The following NLGN1 variants were observed in gnomAD, a reference collection of about 807,000 sequenced individuals.
NLGN1 encodes neuroligin-1.
Under a neutral mutation model 65.5 loss-of-function variants are expected in NLGN1, and 12 were observed. That is an observed-to-expected ratio of 0.18 (90% CI 0.12 to 0.30). The LOEUF (loss-of-function observed/expected upper bound fraction) is 0.30, where lower values mean the gene tolerates loss of function less well. Ranked by LOEUF, NLGN1 falls within the 10% of genes least tolerant of loss-of-function variation. The pLI is 1.00. For missense variants in NLGN1, 750 were observed against 1,007.1 expected (o/e 0.74, Z 3.46); for synonymous variants, 350 against 359.5 (o/e 0.97, Z 0.30).
chr3:173,740,830 A>T (rs760427394), intron 3 of NLGN1, among the ~76,000 whole-genome samples: 69 of 152,260 alleles, frequency 4.5e-4, no homozygotes, highest in African/African-American at 1.7e-3. Flanking sequence ...GAAAACTAGA[A>T]AAGCCATGCG....
At chr3:174,126,107 G>C (rs1304257057) in intron 4 of NLGN1, among the ~76,000 whole-genome samples, 1 of 152,090 alleles carries the variant, frequency 6.6e-6, no homozygotes, top group African/African-American at 2.4e-5. Flanking sequence ...ATGCTGGAAA[G>C]AAGAAGCCTT....
intron 3 of NLGN1, among the ~76,000 whole-genome samples, chr3:173,698,779 G>T (rs1261086398): frequency 6.6e-6 from 1 of 152,066 alleles, no homozygotes; most frequent in Non-Finnish European, 1.5e-5. Flanking sequence ...CTGCCTATTT[G>T]GAGCTAAGAG....
intron 1 of NLGN1, among the ~76,000 whole-genome samples, chr3:173,409,538 A>T (rs982253937): frequency 3.9e-5 from 6 of 152,170 alleles, no homozygotes; most frequent in African/African-American, 1.4e-4. Flanking sequence ...CTTCATGAAT[A>T]TTATTTCTTT....
intron 2 of NLGN1, among the ~76,000 whole-genome samples, chr3:173,544,450 A>G (rs1236272529): frequency 6.6e-6 from 1 of 152,158 alleles, no homozygotes; most frequent in Non-Finnish European, 1.5e-5. Flanking sequence ...ATTGGCTATC[A>G]TGAATGGGGA....
At chr3:173,502,869 G>T (rs1731383700) in intron 2 of NLGN1, among the ~76,000 whole-genome samples, 1 of 152,060 alleles carries the variant, frequency 6.6e-6, no homozygotes, top group Non-Finnish European at 1.5e-5. Flanking sequence ...GCTGCAGAAG[G>T]TAAAATGCAC....
chr3:173,857,270 A>G (rs1050698734), intron 4 of NLGN1, among the ~76,000 whole-genome samples: 5 of 152,014 alleles, frequency 3.3e-5, no homozygotes, highest in African/African-American at 1.2e-4. Flanking sequence ...ATCCACTGAT[A>G]ACTGACCCCT....
rs1761729162 is a variant in NLGN1, at chr3:173,666,589, G to A, written c.493+61498G>A. ...GTCTCCTTATAGAAATCTGATTAATGGATCAACCATTCCCTAACAGGGACT... is the reference window on the plus strand; with the variant it reads ...GTCTCCTTATAGAAATCTGATTAATAGATCAACCATTCCCTAACAGGGACT... On this transcript the variant is annotated intron_variant, in intron 3 of 6. Transcript: ENST00000457714. Among the ~76,000 whole-genome samples, 4 of 152,202 alleles carry A rather than the reference G, an allele frequency of 2.6e-5. No individual in the cohort carries two copies. The South Asian group carries it at 8.3e-4, about 32-fold the overall frequency.
intron 4 of NLGN1, among the ~76,000 whole-genome samples, chr3:174,215,876 C>T (rs9290495): frequency 0.61 from 93,193 of 151,956 alleles, 30,184 homozygotes; most frequent in East Asian, 0.77. Flanking sequence ...ACTGCAGCCT[C>T]CCAGTGGGAC....
intron 3 of NLGN1, among the ~76,000 whole-genome samples, chr3:173,766,491 G>T (rs1486847615): frequency 6.6e-6 from 1 of 152,112 alleles, no homozygotes. Context: ...TGTTATACTA[G>T]TAGTAGTAGG....
At chr3:173,622,026 A>G (rs1754070514) in intron 3 of NLGN1, among the ~76,000 whole-genome samples, 1 of 152,122 alleles carries the variant, frequency 6.6e-6, no homozygotes, top group South Asian at 2.1e-4. Context: ...TTTTTTACCA[A>G]AGCAGGGAGA....
intron 2 of NLGN1, among the ~76,000 whole-genome samples, chr3:173,470,472 C>T (rs1725124963): frequency 2.0e-5 from 3 of 152,058 alleles, no homozygotes; most frequent in Admixed American, 1.3e-4. Flanking sequence ...TATCCCCAAA[C>T]ACACGTAGCG....
chr3:173,829,572 TTG>T (rs753331278), intron 4 of NLGN1, among the ~76,000 whole-genome samples: 9 of 100,858 alleles, frequency 8.9e-5, no homozygotes, highest in African/African-American at 3.8e-4. Context: ...GTGTGTGTGT[TTG>T]TGTGTGTGTG....
intron 4 of NLGN1, among the ~76,000 whole-genome samples, chr3:174,095,470 T>C (rs1745319066): frequency 1.4e-5 from 2 of 145,216 alleles, no homozygotes; most frequent in African/African-American, 5.2e-5. Context: ...AGCTGATGTG[T>C]GTGTATGCTT....
At chr3:173,870,582 C>A (rs1034789661) in intron 4 of NLGN1, among the ~76,000 whole-genome samples, 5 of 152,150 alleles carry the variant, frequency 3.3e-5, no homozygotes, top group African/African-American at 9.7e-5. Flanking sequence ...AGAAATTTAT[C>A]TGGCTCTGAA....
intron 4 of NLGN1, among the ~76,000 whole-genome samples, chr3:174,266,653 G>A (rs1748304135): frequency 6.6e-6 from 1 of 152,126 alleles, no homozygotes; most frequent in African/African-American, 2.4e-5. Flanking sequence ...TACAGTAGCT[G>A]AACTAATATC....
intron 4 of NLGN1, among the ~76,000 whole-genome samples, chr3:174,082,273 C>T (rs1252549523): frequency 6.6e-6 from 1 of 151,984 alleles, no homozygotes; most frequent in Non-Finnish European, 1.5e-5. Flanking sequence ...ACATGACTAC[C>T]CAGCACTCAC....
At chr3:173,425,969 G>A (rs1374497920) in intron 1 of NLGN1, among the ~76,000 whole-genome samples, 1 of 152,064 alleles carries the variant, frequency 6.6e-6, no homozygotes, top group East Asian at 1.9e-4. Flanking sequence ...AACATGATAT[G>A]TCTTTTAATT....
At chr3:173,433,044 A>G (rs980202842) in intron 1 of NLGN1, among the ~76,000 whole-genome samples, 2 of 152,160 alleles carry the variant, frequency 1.3e-5, no homozygotes, top group Non-Finnish European at 2.9e-5. Flanking sequence ...ATTCTAATCA[A>G]ACACCACAGA....
chr3:174,042,907 A>G (rs757393766), intron 4 of NLGN1, among the ~76,000 whole-genome samples: 1 of 152,112 alleles, frequency 6.6e-6, no homozygotes. Flanking sequence ...TCATGCTGCT[A>G]TGAAGGAATA....
Sources: allele counts gnomAD v4.1 joint callset (sites outside exome capture counted in the v4.1 genomes callset), GRCh38; gene constraint gnomAD v4.1.1; transcripts MANE v1.5; gene names NCBI Gene and HGNC (gene_info 2026-07-23, HGNC 2026-07-21).